FGF14: variants seen among roughly 807,000 people sequenced by gnomAD.
The protein encoded by FGF14 is fibroblast growth factor 14.
A neutral mutation model predicts 25.5 loss-of-function variants in FGF14; 5 were observed. That is an observed-to-expected ratio of 0.20 (90% CI 0.10 to 0.41). FGF14 has a LOEUF of 0.41. FGF14 is among the 10% of genes least tolerant of loss of function. The probability of loss-of-function intolerance (pLI) is 1.00; values close to 1 mark genes in which losing one functional copy is unlikely to be tolerated. For synonymous variants in FGF14, 138 were observed against 118.3 expected, an observed-to-expected ratio of 1.17 and a Z score of -1.08; for missense variants, 222 against 320.1, an observed-to-expected ratio of 0.69 and a Z score of 2.34.
At chr13:101,765,153 A>G (rs975253824) in intron 3 of FGF14, among the ~76,000 whole-genome samples, 2 of 152,204 alleles carry the variant, frequency 1.3e-5, no homozygotes, top group Admixed American at 1.3e-4. Context: ...GACAATGATA[A>G]TACTCTGCCT....
intron 3 of FGF14, among the ~76,000 whole-genome samples, chr13:101,847,051 G>A (rs1374234575): frequency 6.6e-6 from 1 of 151,808 alleles, no homozygotes; most frequent in Non-Finnish European, 1.5e-5. Flanking sequence ...TAAAACATTC[G>A]ACCTATGATG....
chr13:101,828,237 C>T (rs560405244), intron 3 of FGF14, among the ~76,000 whole-genome samples: 24 of 152,044 alleles, frequency 1.6e-4, no homozygotes, highest in African/African-American at 2.6e-4. Context: ...AATCTGCAGA[C>T]GCCAATATGT....
In FGF14 at chr13:101,715,659, T is replaced by G. The variant is rs763098928; in HGVS notation, c.*7172A>C. On this transcript the variant is annotated 3_prime_UTR_variant, in exon 5 of 5. Transcript: ENST00000376143. Reference sequence around the variant, plus strand: ...CTTGGCTCAGAATATCCTTAACAATTACATGAGAGAGGTCTGGATTCTTAT... The same window carrying G: ...CTTGGCTCAGAATATCCTTAACAATGACATGAGAGAGGTCTGGATTCTTAT... 3.8e-6 allele frequency: 6 copies of G among 1,581,186 alleles called. No homozygotes were observed. The highest frequency in any genetic ancestry group is 4.3e-6 in the Non-Finnish European group (5 of 1,150,206).
At chr13:102,332,867 T>C (rs1037827978) in intron 1 of FGF14, among the ~76,000 whole-genome samples, 1 of 152,214 alleles carries the variant, frequency 6.6e-6, no homozygotes, top group African/African-American at 2.4e-5. Context: ...TGATAAGTGA[T>C]ACTTCTCAAT....
At chr13:101,807,162 AG>A in intron 3 of FGF14, among the ~76,000 whole-genome samples, 1 of 152,290 alleles carries the variant, frequency 6.6e-6, no homozygotes, top group African/African-American at 2.4e-5. Context: ...CATCACTCTT[AG>A]TGGACTAGCC....
chr13:102,036,087 CATTAT>C (rs1475517902), intron 1 of FGF14, among the ~76,000 whole-genome samples: 4 of 152,070 alleles, frequency 2.6e-5, no homozygotes, highest in Non-Finnish European at 5.9e-5. Context: ...GAGAGAAAAA[CATTAT>C]CCCAGGTATT....
chr13:102,374,712 G>A (rs2057996183), intron 1 of FGF14, among the ~76,000 whole-genome samples: 1 of 119,842 alleles, frequency 8.3e-6, no homozygotes, highest in African/African-American at 3.2e-5. Context: ...GTAAGCAGAC[G>A]TGTCAGATTC....
intron 1 of FGF14, among the ~76,000 whole-genome samples, chr13:102,242,761 T>A (rs967889433): frequency 8.5e-5 from 13 of 152,242 alleles, no homozygotes; most frequent in African/African-American, 3.1e-4. Flanking sequence ...ATCCACTTCA[T>A]GTACAGTCTT....
chr13:101,989,859 C>T (rs553953031), intron 1 of FGF14, among the ~76,000 whole-genome samples: 29 of 152,066 alleles, frequency 1.9e-4, no homozygotes, highest in Admixed American at 5.9e-4. Flanking sequence ...TTAATCCTTT[C>T]GAATGTCATC....
At chr13:102,161,569 G>GAAGAAGAAGA (rs1555369361) in intron 1 of FGF14, among the ~76,000 whole-genome samples, 1 of 18,340 alleles carries the variant, frequency 5.5e-5, no homozygotes, top group Non-Finnish European at 8.3e-5. Flanking sequence ...TTTCTGTGAA[G>GAAGAAGAAGA]AAAGAAAGAA....
At chr13:102,308,465 A>T (rs1418170418) in intron 1 of FGF14, among the ~76,000 whole-genome samples, 1 of 152,210 alleles carries the variant, frequency 6.6e-6, no homozygotes, top group Non-Finnish European at 1.5e-5. Flanking sequence ...CTTCAGTAAC[A>T]CATTTGGGTA....
At chr13:101,790,126 TG>T (rs34046052) in intron 3 of FGF14, among the ~76,000 whole-genome samples, 65,117 of 119,640 alleles carry the variant, frequency 0.54, 15,672 homozygotes, top group Non-Finnish European at 0.66. Context: ...TCTAGTATTT[TG>T]GTTTTTTTTT....
intron 1 of FGF14, among the ~76,000 whole-genome samples, chr13:102,288,280 C>T (rs1490300393): frequency 6.6e-6 from 1 of 152,174 alleles, no homozygotes; most frequent in Non-Finnish European, 1.5e-5. Flanking sequence ...CTTATTCTCA[C>T]ATATCCTGTT....
At chr13:102,215,441 T>C (rs2050332354) in intron 1 of FGF14, among the ~76,000 whole-genome samples, 1 of 152,254 alleles carries the variant, frequency 6.6e-6, no homozygotes, top group Non-Finnish European at 1.5e-5. Flanking sequence ...AAATAAAGTA[T>C]AAATCTGACA....
At chr13:102,197,994 T>C (rs1337367081) in intron 1 of FGF14, among the ~76,000 whole-genome samples, 1 of 152,192 alleles carries the variant, frequency 6.6e-6, no homozygotes, top group African/African-American at 2.4e-5. Context: ...GCAACACTTT[T>C]CTTTTTTCAC....
intron 1 of FGF14, among the ~76,000 whole-genome samples, chr13:102,229,950 C>T (rs2051002291): frequency 6.6e-6 from 1 of 152,160 alleles, no homozygotes. Context: ...CGATTCTATT[C>T]CAGGCATTGT....
intron 1 of FGF14, among the ~76,000 whole-genome samples, chr13:102,051,766 G>A (rs1037242818): frequency 6.6e-6 from 1 of 152,140 alleles, no homozygotes; most frequent in African/African-American, 2.4e-5. Context: ...CATAAAGGAA[G>A]GTCTTTCCAC....
At chr13:101,923,007 TAAG>T (rs2034115043) in intron 1 of FGF14, among the ~76,000 whole-genome samples, 1 of 152,112 alleles carries the variant, frequency 6.6e-6, no homozygotes, top group Admixed American at 6.5e-5. Flanking sequence ...TTGTCAAATT[TAAG>T]AAGCTGTTAA....
At chr13:102,076,019 T>C (rs1160265101) in intron 1 of FGF14, among the ~76,000 whole-genome samples, 1 of 152,106 alleles carries the variant, frequency 6.6e-6, no homozygotes, top group Non-Finnish European at 1.5e-5. Flanking sequence ...AGTCAAAAAT[T>C]TAAAAATAAC....
Sources: allele counts gnomAD v4.1 joint callset (sites outside exome capture counted in the v4.1 genomes callset), GRCh38; gene constraint gnomAD v4.1.1; transcripts MANE v1.5; gene names NCBI Gene and HGNC (gene_info 2026-07-23, HGNC 2026-07-21).